Variants in CUX1 observed in about 807,000 individuals in gnomAD.
The protein encoded by CUX1 is protein CASP.
CUX1 carries 31 observed loss-of-function variants against 158.8 expected under a neutral mutation model. That is an observed-to-expected ratio of 0.20 (90% CI 0.15 to 0.26). The LOEUF is 0.26. CUX1 is among the 10% of genes least tolerant of loss of function. The pLI is 1.00. For synonymous variants in CUX1, 879 were observed against 862.1 expected (o/e 1.02, Z -0.34); for missense variants, 1,589 against 2,014.6 (o/e 0.79, Z 4.04).
intron 20 of CUX1, among the ~76,000 whole-genome samples, chr7:102,222,810 T>TG: frequency 1.5e-5 from 1 of 65,138 alleles, no homozygotes; most frequent in Admixed American, 2.3e-4. Context: ...GGGCACCGTA[T>TG]CTTTTTTTTT....
intron 2 of CUX1, among the ~76,000 whole-genome samples, chr7:101,997,823 T>A (rs1816153936): frequency 6.6e-6 from 1 of 151,762 alleles, no homozygotes; most frequent in Admixed American, 6.6e-5. Context: ...GGATCCTCTC[T>A]TCTCATCAAT....
intron 1 of CUX1, chr7:101,824,722 T>G (rs1169065512): frequency 6.6e-6 from 1 of 152,228 alleles, no homozygotes; most frequent in Non-Finnish European, 1.5e-5. Context: ...CCTTCCTGTG[T>G]TGTGACAACT....
At chr7:101,951,709 G>A (rs908756200) in intron 2 of CUX1, among the ~76,000 whole-genome samples, 3 of 152,022 alleles carry the variant, frequency 2.0e-5, no homozygotes, top group East Asian at 1.9e-4. Context: ...GGGTTTCACC[G>A]TGTTAGCCAG....
intron 1 of CUX1, among the ~76,000 whole-genome samples, chr7:101,881,451 G>A (rs995917115): frequency 1.3e-5 from 2 of 152,198 alleles, no homozygotes; most frequent in South Asian, 2.1e-4. Context: ...AGTTGTTTGC[G>A]ATACACTGAC....
intron 5 of CUX1, among the ~76,000 whole-genome samples, chr7:102,100,250 T>A (rs577239435): frequency 8.3e-4 from 126 of 152,202 alleles, no homozygotes; most frequent in Admixed American, 2.0e-3. Context: ...TGTACTCCAG[T>A]CTGGGCAACA....
intron 8 of CUX1, among the ~76,000 whole-genome samples, chr7:102,135,557 G>T (rs1202287423): frequency 2.9e-5 from 4 of 137,330 alleles, no homozygotes; most frequent in African/African-American, 1.1e-4. Context: ...GGGTCAACTT[G>T]TGTGTGTGTG....
At chr7:102,195,415 C>A in intron 13 of CUX1, 92 bp from the exon 14 acceptor site, 2 of 991,864 alleles carry the variant, frequency 2.0e-6, no homozygotes, top group Non-Finnish European at 3.0e-6. Context: ...GGAACGCGGA[C>A]AGATGGAGGG....
chr7:102,259,855 G>A (rs181297440), downstream of CUX1, among the ~76,000 whole-genome samples: 97 of 152,176 alleles, frequency 6.4e-4, no homozygotes, highest in African/African-American at 2.3e-3. Flanking sequence ...CACTTTGGGA[G>A]GAGGTCAAGG....
At chr7:102,280,275 C>T (rs1586539516) in intron 19 of CUX1, among the ~76,000 whole-genome samples, 1 of 152,126 alleles carries the variant, frequency 6.6e-6, no homozygotes, top group Non-Finnish European at 1.5e-5. Flanking sequence ...AGCCTTGCCA[C>T]GCCAGCCCTG....
chr7:102,171,186 C>A (rs1346416606), intron 10 of CUX1, among the ~76,000 whole-genome samples: 3 of 152,070 alleles, frequency 2.0e-5, no homozygotes, highest in Non-Finnish European at 4.4e-5. Context: ...CAAGGAACAG[C>A]GTAGGAGCTA....
intron 8 of CUX1, among the ~76,000 whole-genome samples, chr7:102,153,086 T>C (rs1188589893): frequency 6.6e-6 from 1 of 152,260 alleles, no homozygotes; most frequent in African/African-American, 2.4e-5. Context: ...CTGATTTTTT[T>C]ATAAATGATG....
intron 22 of CUX1, among the ~76,000 whole-genome samples, chr7:102,238,384 A>G (rs890339191): frequency 6.6e-6 from 1 of 151,728 alleles, no homozygotes; most frequent in African/African-American, 2.4e-5. Context: ...GAAGGCTCGC[A>G]CTCTTGTCTT....
chr7:102,040,601 G>A (rs1036033695), intron 3 of CUX1, among the ~76,000 whole-genome samples: 7 of 152,194 alleles, frequency 4.6e-5, no homozygotes, highest in African/African-American at 1.4e-4. Context: ...ATAAAGTTGG[G>A]TGAACTACAG....
chr7:101,927,899 A>AC (rs1805792528), intron 2 of CUX1, among the ~76,000 whole-genome samples: 1 of 151,734 alleles, frequency 6.6e-6, no homozygotes, highest in African/African-American at 2.4e-5. Flanking sequence ...GCATCTGAAG[A>AC]CCCCGCAGGC....
intron 1 of CUX1, among the ~76,000 whole-genome samples, chr7:101,878,125 G>A (rs1799346863): frequency 6.6e-6 from 1 of 152,212 alleles, no homozygotes; most frequent in African/African-American, 2.4e-5. Context: ...TTTCATGATT[G>A]CACTAATTAT....
intron 8 of CUX1, among the ~76,000 whole-genome samples, chr7:102,143,319 A>G (rs142653280): frequency 1.1e-4 from 17 of 152,234 alleles, no homozygotes; most frequent in South Asian, 2.1e-4. Context: ...CCCAAGCTGG[A>G]GCACAGAGGC....
downstream of CUX1, chr7:102,258,263 C>A: frequency 1.1e-6 from 1 of 872,254 alleles, no homozygotes; most frequent in Non-Finnish European, 1.4e-6. Context: ...ATTTAAAGTG[C>A]TCTGGCCTGA....
chr7:102,254,925 C>A lies in CUX1; in HGVS notation c.*5883C>A. The A allele has an allele frequency of 1.0e-6, 1 of 985,432 alleles. No homozygotes were observed. Among genetic ancestry groups the A allele is most frequent in the Non-Finnish European group, 1.2e-6 (1 of 829,954 alleles). The allele number at this position is 985,432 out of a possible 1,614,324, so 61.0% of individuals were successfully genotyped here. A position where few individuals can be genotyped will look rare whatever the true frequency, so the allele number is the denominator to read the frequency against. On this transcript the variant is annotated 3_prime_UTR_variant, in exon 24 of 24. Transcript: ENST00000292535. The stretch of plus-strand genomic sequence containing the variant: ...GAAAACTACCAGGGAAAAGGGGAAG[C>A]AGGTACCCAATAAAGTTTAGAAAGA...
intron 23 of CUX1, among the ~76,000 whole-genome samples, chr7:102,243,513 C>T (rs924833344): frequency 3.3e-5 from 5 of 151,614 alleles, no homozygotes; most frequent in South Asian, 4.2e-4. Flanking sequence ...GAAGGAGAAA[C>T]GAGGGGCCGA....
Sources: gnomAD v4.1 joint callset for allele counts (sites outside exome capture counted in the v4.1 genomes callset) on GRCh38, gnomAD v4.1.1 for gene constraint, MANE v1.5 for transcripts, NCBI Gene and HGNC (gene_info 2026-07-23, HGNC 2026-07-21) for gene names.